Variants in ORC3 observed in about 807,000 individuals in gnomAD.
ORC3 encodes origin recognition complex subunit 3.
A neutral mutation model predicts 100.7 loss-of-function variants in ORC3; 78 were observed. That is an observed-to-expected ratio of 0.77 (90% CI 0.65 to 0.94). The LOEUF (loss-of-function observed/expected upper bound fraction) is 0.94, where lower values mean the gene tolerates loss of function less well. Among genes scored for constraint, ORC3 ranks in the 40% least tolerant of loss-of-function variants. The pLI, the probability that ORC3 is intolerant of heterozygous loss-of-function variation, is 0.00. For synonymous variants in ORC3, 295 were observed against 289.3 expected (o/e 1.02, Z -0.20); for missense variants, 789 against 823.9 (o/e 0.96, Z 0.52).
intron 11 of ORC3, among the ~76,000 whole-genome samples, chr6:87,632,394 C>CA (rs11373306): frequency 0.31 from 47,561 of 151,772 alleles, 7,576 homozygotes; most frequent in Admixed American, 0.41. Context: ...CTGGGATGGT[C>CA]AAAATTACTC....
chr6:87,658,854 A>G (rs908586839), intron 16 of ORC3, among the ~76,000 whole-genome samples: 6 of 152,148 alleles, frequency 3.9e-5, no homozygotes, highest in African/African-American at 1.4e-4. Context: ...GTATTTTAAG[A>G]TGTTTCCTTT....
chr6:87,612,005 A>G, intron 7 of ORC3, 84 bp from the exon 8 acceptor site: 1 of 1,274,238 alleles, frequency 7.8e-7, no homozygotes, highest in Non-Finnish European at 1.1e-6. Context: ...GCATTAAAAT[A>G]AAGTTTGTCT....
At chr6:87,627,729 A>G (rs1003056350) in intron 11 of ORC3, among the ~76,000 whole-genome samples, 1 of 152,140 alleles carries the variant, frequency 6.6e-6, no homozygotes, top group Non-Finnish European at 1.5e-5. Context: ...AGAGTTTATC[A>G]TTTTGTGCCC....
chr6:87,611,043 C>T (rs545465133), intron 7 of ORC3, among the ~76,000 whole-genome samples: 1 of 149,238 alleles, frequency 6.7e-6, no homozygotes, highest in Admixed American at 6.8e-5. Context: ...CTTAAGCAGT[C>T]CTCCCTTCTC....
At chr6:87,665,204 T>C (rs1770501576) in intron 18 of ORC3, among the ~76,000 whole-genome samples, 2 of 152,172 alleles carry the variant, frequency 1.3e-5, no homozygotes, top group Admixed American at 6.5e-5. Context: ...TAAAGTATAT[T>C]ATTAACTAGC....
the ORC3 span, among the ~76,000 whole-genome samples, chr6:87,676,447 CAA>C: frequency 0.031 from 1,302 of 41,856 alleles, 24 homozygotes; most frequent in African/African-American, 0.12. Flanking sequence ...GCCTGGGCAA[CAA>C]AAAAAAAAAA....
rs1232083608 is a variant in ORC3 at position 87,616,338 on chromosome 6, T to G, written c.898T>G (p.Phe300Val). 1.3e-6 allele frequency: 2 copies of G among 1,485,520 alleles called. No homozygotes were observed. Among genetic ancestry groups the G allele is most frequent in the Non-Finnish European group, 9.4e-7 (1 of 1,064,158 alleles). The allele number at this position is 1,485,520 out of a possible 1,614,324, so 92.0% of individuals were successfully genotyped here. ...DKLLLTTQFP[F>V]KINEKVLQVL... is the part of the protein sequence containing the mutation. ...GCTACTTCTTACAACTCAGTTTCCC[T>G]TTAAAATAAATGAAAAAGTATTACA... The change falls in exon 9 of 20, where the codon TTT becomes GTT. Residue 300 changes from phenylalanine (F) to valine (V), a missense_variant. This residue lies in a region of ORC3 where 399 missense variants were observed against 382.0 expected (regional missense o/e 1.04). Transcript: ENST00000392844.
At chr6:87,617,982 G>A (rs1290081005) in intron 9 of ORC3, among the ~76,000 whole-genome samples, 1 of 152,142 alleles carries the variant, frequency 6.6e-6, no homozygotes, top group Non-Finnish European at 1.5e-5. Context: ...TTAGGAATAT[G>A]TAGAATTAAA....
chr6:87,659,638 T>G (rs1485344089), intron 16 of ORC3, among the ~76,000 whole-genome samples: 1 of 151,936 alleles, frequency 6.6e-6, no homozygotes, highest in Non-Finnish European at 1.5e-5. Context: ...TCCCAGCATC[T>G]TGGGAGGCCA....
chr6:87,657,050 T>C (rs1769769423), intron 15 of ORC3, 68 bp downstream of exon 15: 2 of 1,058,358 alleles, frequency 1.9e-6, no homozygotes, highest in African/African-American at 3.1e-5. Flanking sequence ...GTGCTCTAGA[T>C]TAACTCTGCC....
At chr6:87,609,502 TACTC>T (rs544069993) in intron 7 of ORC3, 129 of 264,572 alleles carry the variant, frequency 4.9e-4, no homozygotes, top group Non-Finnish European at 7.7e-4. Flanking sequence ...GACTGTCTCT[TACTC>T]ACCCATTAAA....
In ORC3 at chr6:87,621,481, T is replaced by C; in HGVS notation, c.1115T>C (p.Phe372Ser). Reference protein sequence around the residue: ...QCENIRRLPSFRRYVEKQASE... With the variant: ...QCENIRRLPSSRRYVEKQASE... Reference sequence around the variant, plus strand: ...GAAAACATCCGACGTCTACCATCTTTTAGGAGGTAAAAAGAGAAGTACATG... The same window carrying C: ...GAAAACATCCGACGTCTACCATCTTCTAGGAGGTAAAAAGAGAAGTACATG... Residue 372 changes from phenylalanine to serine, a missense_variant, in exon 10 of 20, where the codon TTT (phenylalanine) becomes TCT (serine). By Grantham distance (155) the Phe-to-Ser change is radical. Transcript: ENST00000392844. 6.3e-7 allele frequency: 1 copy of C among 1,583,200 alleles called. No individual in the cohort carries two copies. The highest frequency in any genetic ancestry group is 2.3e-5 in the East Asian group (1 of 43,912).
rs117366667 is a variant in ORC3, at chr6:87,660,197, C to G, written c.1691+2179C>G. Among the ~76,000 whole-genome samples, 18 of 152,308 alleles carry G rather than the reference C, an allele frequency of 1.2e-4. No individual in the cohort carries two copies. The East Asian group carries it at 3.5e-3, about 29-fold the overall frequency. Reference sequence around the variant, plus strand: ...CTAATATGTCTGACTTTTTACCTTTCTGAGCAGTTGTTGAAATAATGCTCA... The same window carrying G: ...CTAATATGTCTGACTTTTTACCTTTGTGAGCAGTTGTTGAAATAATGCTCA... On this transcript the variant is annotated intron_variant, in intron 16 of 19. Coordinates refer to ENST00000392844, the MANE Select transcript of ORC3 (RefSeq NM_012381.4).
At chr6:87,666,630 G>C (rs1036726095) in intron 19 of ORC3, among the ~76,000 whole-genome samples, 7 of 151,304 alleles carry the variant, frequency 4.6e-5, no homozygotes, top group Non-Finnish European at 8.8e-5. Flanking sequence ...GGGGAGATGG[G>C]ATTTCACCAT....
Position 87,603,469 on chromosome 6 carries a change from C to T in ORC3, c.263C>T (p.Ser88Leu), listed in dbSNP as rs112186214. ...QKSHSGFQKN[S>L]RDLGGQIKLR... ...TCACATTCTGGATTCCAGAAGAATT[C>T]AAGAGACTTGGGCGGTCAAATAAAA... is the stretch of plus-strand genomic sequence containing the variant. The change falls in exon 4 of 20, where the codon TCA (serine) becomes TTA (leucine). Residue 88 changes from serine (S) to leucine (L), a missense_variant. Ser to Leu is a moderately radical substitution (Grantham distance 145). Coordinates refer to ENST00000392844, the MANE Select transcript of ORC3 (RefSeq NM_012381.4). 13 of 1,536,938 alleles carry T rather than the reference C, an allele frequency of 8.5e-6. No homozygotes were observed. Among genetic ancestry groups the T allele is most frequent in the Admixed American group, 3.4e-5 (2 of 59,424 alleles).
intron 13 of ORC3, among the ~76,000 whole-genome samples, chr6:87,647,454 C>T (rs35494431): frequency 0.032 from 4,809 of 152,320 alleles, 98 homozygotes; most frequent in Middle Eastern, 0.054. Flanking sequence ...CAAATGTCAT[C>T]TTTTCAGTGA....
At chr6:87,603,655 T>C (rs78776149) in intron 4 of ORC3, 127 bp downstream of exon 4, 37,947 of 490,332 alleles carry the variant, frequency 0.077, 1,519 homozygotes, top group East Asian at 0.091. Flanking sequence ...ATTTGTACAA[T>C]TAAACCAACT....
chr6:87,610,586 G>T lies in ORC3; in HGVS notation c.713+1357G>T, dbSNP rs963694762. Among the ~76,000 whole-genome samples the T allele has an allele frequency of 6.1e-4, 80 of 131,200 alleles. 2 individuals are homozygous for T. Among genetic ancestry groups the T allele is most frequent in the Non-Finnish European group, 9.4e-4 (58 of 61,470 alleles). The allele number at this position is 131,200 out of a possible 152,430, so 86.1% of individuals were successfully genotyped here. ...TTTTGAGACGGAGTCTCGCTCTGTC[G>T]CCCAGGTCGGACTGCGGACTGCAGT... On this transcript the variant is annotated intron_variant, in intron 7 of 19. Coordinates refer to ENST00000392844, the MANE Select transcript of ORC3 (RefSeq NM_012381.4).
chr6:87,595,809 G>A (rs1380220925), intron 2 of ORC3, among the ~76,000 whole-genome samples: 1 of 152,100 alleles, frequency 6.6e-6, no homozygotes, highest in African/African-American at 2.4e-5. Flanking sequence ...GTGTGTAAGA[G>A]AGGAAAGACA....
Sources: allele counts gnomAD v4.1 joint callset (sites outside exome capture counted in the v4.1 genomes callset), GRCh38; gene constraint gnomAD v4.1.1; regional missense constraint gnomAD v4.1.1; transcripts MANE v1.5; gene names NCBI Gene and HGNC (gene_info 2026-07-23, HGNC 2026-07-21).